Variants in GNL3 observed in about 807,000 individuals in gnomAD.
GNL3 encodes guanine nucleotide-binding protein-like 3.
GNL3 carries 77 observed loss-of-function variants against 70.6 expected under a neutral mutation model. That is an observed-to-expected ratio of 1.09 (90% CI 0.91 to 1.32). The LOEUF is 1.32. Among genes scored for constraint, GNL3 ranks in the 40% most tolerant of loss-of-function variants. The probability of loss-of-function intolerance (pLI) is 0.00; values close to 1 mark genes in which losing one functional copy is unlikely to be tolerated. For synonymous variants in GNL3, 252 were observed against 216.1 expected, an observed-to-expected ratio of 1.17 and a Z score of -1.46; for missense variants, 634 against 644.0, an observed-to-expected ratio of 0.98 and a Z score of 0.17.
intron 5 of GNL3, 34 bp downstream of exon 5, chr3:52,688,226 A>G (rs2097324116): frequency 8.1e-7 from 1 of 1,234,102 alleles, no homozygotes; most frequent in East Asian, 2.3e-5. Context: ...TGACAGTAGT[A>G]ATGAGGTTTA....
Position 52,690,935 on chromosome 3 carries a change from G to T in GNL3, c.655-10G>T, listed in dbSNP as rs771026727. The stretch of plus-strand genomic sequence containing the variant: ...AGTTGCCAGAATAATTCAACTATTT[G>T]GAATTTTAGCGTGTGAAGGCAAAGA... On this transcript the variant is annotated splice_polypyrimidine_tract_variant and intron_variant, in intron 7 of 14. Transcript: ENST00000418458. 2.5e-6 allele frequency: 4 copies of T among 1,613,202 alleles called. No individual in the cohort carries two copies. The highest frequency in any genetic ancestry group is 1.7e-5 in the Admixed American group (1 of 59,942).
At chr3:52,690,250 G>C (rs2154099575) in intron 6 of GNL3, among the ~76,000 whole-genome samples, 1 of 152,098 alleles carries the variant, frequency 6.6e-6, no homozygotes, top group East Asian at 1.9e-4. Context: ...TAGCCACATT[G>C]GAGCAAATGT....
In GNL3 at chr3:52,687,499, C is replaced by A; in HGVS notation, c.211-3C>A. 1 of 1,608,942 alleles carries A rather than the reference C, an allele frequency of 6.2e-7. No individual in the cohort carries two copies. Among genetic ancestry groups the A allele is most frequent in the Non-Finnish European group, 8.5e-7 (1 of 1,175,444 alleles). ...TCACCTATTTCCCTTATGGCTCTGA[C>A]AGCTTGAAGAACTAAAACAGCAGCA... is the stretch of plus-strand genomic sequence containing the variant. On this transcript the variant is annotated splice_region_variant and splice_polypyrimidine_tract_variant and intron_variant, in intron 3 of 14. Transcript: ENST00000418458.
intron 9 of GNL3, among the ~76,000 whole-genome samples, chr3:52,692,422 C>T (rs980686875): frequency 1.4e-5 from 2 of 139,378 alleles, no homozygotes; most frequent in African/African-American, 2.7e-5. Context: ...TACAGTGGTG[C>T]TATCTTGGCT....
chr3:52,689,432 A>C (rs188452893), intron 6 of GNL3: 1 of 608,382 alleles, frequency 1.6e-6, no homozygotes, highest in Non-Finnish European at 3.0e-6. Context: ...CATCTTTTAA[A>C]TAAAGAGTGT....
Position 52,694,490 on chromosome 3 carries a change from T to C in GNL3, c.*215T>C, listed in dbSNP as rs2097330802. On this transcript the variant is annotated 3_prime_UTR_variant, in exon 15 of 15. Transcript: ENST00000418458. ...CTGGAATAAAAAAAGAAGATACCTATTGAAAAATGTAAGTTTTATTTACAG... is the reference window on the plus strand; with the variant it reads ...CTGGAATAAAAAAAGAAGATACCTACTGAAAAATGTAAGTTTTATTTACAG... 8.7e-6 allele frequency: 5 copies of C among 577,586 alleles called. No individual in the cohort carries two copies. The highest frequency in any genetic ancestry group is 2.8e-5 in the East Asian group (1 of 35,152). The allele number at this position is 577,586 out of a possible 1,614,324, so 35.8% of individuals were successfully genotyped here. A position where few individuals can be genotyped will look rare whatever the true frequency, so the allele number is the denominator to read the frequency against.
chr3:52,689,232 T>C (rs1358332685), intron 6 of GNL3, 26 bp downstream of exon 6: 1 of 1,600,164 alleles, frequency 6.2e-7, no homozygotes, highest in Non-Finnish European at 8.6e-7. Context: ...ACCCTTTGTC[T>C]TCTGTGTACA....
At chr3:52,692,803 G>A in intron 9 of GNL3, 69 bp from the exon 10 acceptor site, 1 of 1,219,938 alleles carries the variant, frequency 8.2e-7, no homozygotes. Context: ...CCAACCCTGA[G>A]CTTCATGTTC....
At chr3:52,685,962 C>T (rs2097307097), upstream of GNL3, 5 of 744,456 alleles carry the variant, frequency 6.7e-6, no homozygotes, top group Admixed American at 1.9e-5. Flanking sequence ...ACTGCGTGCC[C>T]GCGCACGCAG....
intron 4 of GNL3, 63 bp downstream of exon 4, chr3:52,687,678 G>A: frequency 1.0e-6 from 1 of 983,360 alleles, no homozygotes; most frequent in South Asian, 1.4e-5. Flanking sequence ...TTTTGCTTGG[G>A]CCTGAGTGCA....
chr3:52,693,096 T>C lies in GNL3; in HGVS notation c.1044+50T>C, dbSNP rs372090787. ...TCCTTGGAGCCATCTTCTTTCATCA[T>C]AAGCATTTTGAGTAGAAAAATCTTG... is the stretch of plus-strand genomic sequence containing the variant. On this transcript the variant is annotated intron_variant, in intron 10 of 14. Transcript: ENST00000418458. 3 of 1,604,012 alleles carry C rather than the reference T, an allele frequency of 1.9e-6. No homozygotes were observed. In the African/African-American group the frequency reaches 4.0e-5, roughly 22 times the overall value.
At chr3:52,688,332 A>G (rs2097324218) in intron 5 of GNL3, 140 bp downstream of exon 5, 2 of 585,782 alleles carry the variant, frequency 3.4e-6, no homozygotes, top group Admixed American at 2.8e-5. Flanking sequence ...GGTTTGCTGT[A>G]CAGATTATTT....
At position 52,690,707 on chromosome 3, in the gene GNL3, A is replaced by G. The variant is rs992901894; in HGVS notation, c.654+3A>G. 6.8e-7 allele frequency: 1 copy of G among 1,469,932 alleles called. No individual in the cohort carries two copies. 91.1% of individuals were successfully genotyped at this position (1,469,932 alleles called of 1,614,324 possible). A position where few individuals can be genotyped will look rare whatever the true frequency, so the allele number is the denominator to read the frequency against. On this transcript the variant is annotated splice_donor_region_variant and intron_variant, in intron 7 of 14. Transcript: ENST00000418458. ...AGGATAAAGGGAAGATAACCAAGGT[A>G]TCCTTTATTAGTGGTAAGAAATGTG...
chr3:52,688,130 G>C lies in GNL3; in HGVS notation c.346G>C (p.Glu116Gln), dbSNP rs1439279793. 1.9e-6 allele frequency: 3 copies of C among 1,609,764 alleles called. No homozygotes were observed. The highest frequency in any genetic ancestry group is 2.2e-5 in the South Asian group (2 of 90,986). Residue 116 changes from glutamate to glutamine, a missense_variant, in exon 5 of 15, where the codon GAG becomes CAG. Physicochemically the swap from Glu to Gln is conservative, Grantham distance 29 (BLOSUM62 2). Transcript: ENST00000418458. ...MEKEFGLCKT[E>Q]NKAKSGKQNS... Reference sequence around the variant, plus strand: ...CTAGGAGTTTGGGCTTTGCAAAACTGAGAACAAAGCCAAGTCGGGCAAACA... The same window carrying C: ...CTAGGAGTTTGGGCTTTGCAAAACTCAGAACAAAGCCAAGTCGGGCAAACA...
chr3:52,687,838 G>C lies in GNL3; in HGVS notation c.324+223G>C. ...CACGGGCTTTCACTATATTGCCAAGGCTGGTCTCAAGTGATCCACCCAACT... is the reference window on the plus strand; with the variant it reads ...CACGGGCTTTCACTATATTGCCAAGCCTGGTCTCAAGTGATCCACCCAACT... On this transcript the variant is annotated intron_variant, in intron 4 of 14. Transcript: ENST00000418458. 3 of 592,784 alleles carry C rather than the reference G, an allele frequency of 5.1e-6. No homozygotes were observed. In the South Asian group the frequency reaches 6.3e-5, roughly 12 times the overall value. The allele number at this position is 592,784 out of a possible 1,614,324, so 36.7% of individuals were successfully genotyped here. A position where few individuals can be genotyped will look rare whatever the true frequency, so the allele number is the denominator to read the frequency against.
Position 52,692,894 on chromosome 3 carries a change from G to A in GNL3, c.892G>A (p.Asp298Asn), listed in dbSNP as rs2097328726. ...LTRSMQVVPLDKQITIIDSPS... is the reference protein window; with the variant it reads ...LTRSMQVVPLNKQITIIDSPS... ...CAGGAGCATGCAAGTTGTCCCCTTG[G>A]ACAAACAGATCACAATCATAGATAG... Residue 298 changes from aspartate to asparagine, a missense_variant, in exon 10 of 15, where the codon GAC becomes AAC. By Grantham distance (23) the Asp-to-Asn change is conservative (BLOSUM62 1). Coordinates refer to ENST00000418458, the MANE Select transcript of GNL3 (RefSeq NM_014366.5). The A allele has an allele frequency of 5.0e-6, 8 of 1,613,254 alleles. No homozygotes were observed. The highest frequency in any genetic ancestry group is 3.3e-4 in the Middle Eastern group (2 of 6,084).
In GNL3 at chr3:52,694,312, T is replaced by G. The variant is rs1184240600; in HGVS notation, c.*37T>G. 8.4e-7 allele frequency: 1 copy of G among 1,187,112 alleles called. No individual in the cohort carries two copies. Among genetic ancestry groups the G allele is most frequent in the South Asian group, 1.3e-5 (1 of 78,448 alleles). 73.5% of individuals were successfully genotyped at this position (1,187,112 alleles called of 1,614,324 possible). The stretch of plus-strand genomic sequence containing the variant: ...CTTTTTATGATTTTTTTTTTAACAT[T>G]TTAAGCAGACTGCTAAACTGTTCTC... On this transcript the variant is annotated 3_prime_UTR_variant, in exon 15 of 15. Coordinates refer to ENST00000418458, the MANE Select transcript of GNL3 (RefSeq NM_014366.5).
rs1490705727 is a variant in GNL3 at position 52,693,600 on chromosome 3, A to G, written c.1325-32A>G. The G allele has an allele frequency of 1.9e-5, 30 of 1,613,672 alleles. 1 individual carries two copies. The highest frequency in any genetic ancestry group is 6.7e-5 in the Admixed American group (4 of 59,982). ...CAGCTGACAGGCCAGTGGAGCTCTT[A>G]CCTGTTTACATGGGCTTGCTTTCTT... On this transcript the variant is annotated intron_variant, in intron 12 of 14. Coordinates refer to ENST00000418458, the MANE Select transcript of GNL3 (RefSeq NM_014366.5).
chr3:52,687,329 C>A lies in GNL3; in HGVS notation c.156C>A (p.Asn52Lys). Residue 52 changes from asparagine to lysine, a missense_variant, in exon 3 of 15, where the codon AAC becomes AAA. Asn to Lys is a moderately conservative substitution (Grantham distance 94). Transcript: ENST00000418458. ...KKPRKDPGVP[N>K]SAPFKEALLR... ...CTAGGAAAGACCCAGGAGTTCCAAA[C>A]AGTGCTCCCTTTAAGGAGGCTCTTC... 1 of 1,613,520 alleles carries A rather than the reference C, an allele frequency of 6.2e-7. No individual in the cohort carries two copies. The highest frequency in any genetic ancestry group is 8.5e-7 in the Non-Finnish European group (1 of 1,179,416).
Sources: gnomAD v4.1 joint callset for allele counts (sites outside exome capture counted in the v4.1 genomes callset) on GRCh38, gnomAD v4.1.1 for gene constraint, MANE v1.5 for transcripts, NCBI Gene and HGNC (gene_info 2026-07-23, HGNC 2026-07-21) for gene names.